Variants in NEURL4 observed in about 807,000 individuals in gnomAD.
NEURL4 encodes the protein neuralized-like protein 4.
In NEURL4, 45 loss-of-function variants were observed where a neutral mutation model predicts 148.0. That is an observed-to-expected ratio of 0.30 (90% CI 0.24 to 0.39). NEURL4 has a LOEUF of 0.39. NEURL4 is among the 10% of genes least tolerant of loss of function. The pLI, the probability that NEURL4 is intolerant of heterozygous loss-of-function variation, is 1.00. For missense variants in NEURL4, 1,776 were observed against 2,144.0 expected (o/e 0.83, Z 3.39); for synonymous variants, 854 against 869.0 (o/e 0.98, Z 0.30).
chr17:7,318,209 G>A lies in NEURL4; in HGVS notation c.3953-37C>T. 6.2e-7 allele frequency: 1 copy of A among 1,612,016 alleles called. No individual in the cohort carries two copies. Among genetic ancestry groups the A allele is most frequent in the South Asian group, 1.1e-5 (1 of 91,044 alleles). ...GAGGGGCACAGGTCACAGGAGCTGGGCTAGAAGGGTGAGGGTGGGGGAGTA... is the reference window on the plus strand; with the variant it reads ...GAGGGGCACAGGTCACAGGAGCTGGACTAGAAGGGTGAGGGTGGGGGAGTA... On this transcript the variant is annotated intron_variant, in intron 24 of 28. Transcript: ENST00000399464. The surrounding 1 kb of genome is among the most constrained non-coding windows in gnomAD (Gnocchi z 4.3).
rs376345187 is a variant in NEURL4, at chr17:7,325,300, C to T, written c.1540G>A (p.Ala514Thr). The change falls in exon 8 of 29, where the codon GCC (alanine) becomes ACC (threonine). Residue 514 changes from alanine (A) to threonine (T), a missense_variant. Ala to Thr is a moderately conservative substitution (Grantham distance 58). Transcript: ENST00000399464. ...AGCAGGCGCTCAGGTTCTGCCTGGG[C>T]GGCAGGGGCAGCACGGCGGAGAGCA... ...EGALRRAAPA[A>T]QAEPERLLFH... 71 of 1,609,888 alleles carry T rather than the reference C, an allele frequency of 4.4e-5. 1 individual carries two copies. Among genetic ancestry groups the T allele is most frequent in the African/African-American group, 2.4e-4 (18 of 74,628 alleles).
At position 7,325,432 on chromosome 17, in the gene NEURL4, C is replaced by T; in HGVS notation, c.1408G>A (p.Val470Met). The T allele has an allele frequency of 6.2e-7, 1 of 1,612,788 alleles. No individual in the cohort carries two copies. The change falls in exon 8 of 29, where the codon GTG becomes ATG. Residue 470 changes from valine (V) to methionine (M), a missense_variant. By Grantham distance (21) the Val-to-Met change is conservative. Transcript: ENST00000399464. ...TTCACTGCCATCCCGTACAAGTCCA[C>T]CACACCATACACCACTGGGGGCGTC... is the stretch of plus-strand genomic sequence containing the variant. ...PLTPPVVYGV[V>M]DLYGMAVKVT... is the part of the protein sequence containing the mutation.
chr17:7,319,374 C>T (rs1356850047), intron 21 of NEURL4, among the ~76,000 whole-genome samples, 166 bp from the exon 22 acceptor site: 17 of 113,920 alleles, frequency 1.5e-4, no homozygotes, highest in South Asian at 7.6e-4. Context: ...TTCTTTCCCT[C>T]TTTTTTTTTT....
Position 7,317,555 on chromosome 17 carries a change from C to G in NEURL4, c.4224G>C (p.Glu1408Asp). 6.2e-7 allele frequency: 1 copy of G among 1,614,198 alleles called. No individual in the cohort carries two copies. Among genetic ancestry groups the G allele is most frequent in the Non-Finnish European group, 8.5e-7 (1 of 1,180,014 alleles). The change falls in exon 27 of 29, where the codon GAG becomes GAC. Residue 1408 changes from glutamate to aspartate, a missense_variant. By Grantham distance (45) the Glu-to-Asp change is conservative (BLOSUM62 2). Transcript: ENST00000399464. Reference protein sequence around the residue: ...RFNLRVNPRLEAGTLTKKWHM... With the variant: ...RFNLRVNPRLDAGTLTKKWHM... ...GCCACTTCTTGGTTAGTGTCCCAGC[C>G]TCCAGGCGGGGATTCACTCTAGGAG...
Position 7,323,940 on chromosome 17 carries a change from G to A in NEURL4, c.2135C>T (p.Ala712Val), listed in dbSNP as rs201547279. The A allele has an allele frequency of 5.6e-6, 9 of 1,613,330 alleles. No homozygotes were observed. The East Asian group carries it at 1.6e-4, about 28-fold the overall frequency. ...QVSPSSPSSG[A>V]GGSDLRFHQL... ...ATGGAAGCGCAGGTCAGAGCCCCCGGCCCCTGAGGACGGAGAGCTTGGAGA... is the reference window on the plus strand; with the variant it reads ...ATGGAAGCGCAGGTCAGAGCCCCCGACCCCTGAGGACGGAGAGCTTGGAGA... Residue 712 changes from alanine (A) to valine (V), a missense_variant, in exon 12 of 29, where the codon GCC (alanine) becomes GTC (valine). Physicochemically the swap from Ala to Val is moderately conservative, Grantham distance 64. Transcript: ENST00000399464.
At chr17:7,317,164 C>G (rs764282272) in intron 28 of NEURL4, 41 bp downstream of exon 28, 2 of 1,430,402 alleles carry the variant, frequency 1.4e-6, no homozygotes, top group South Asian at 3.2e-5. Flanking sequence ...CCTCTCCATC[C>G]GAGCCCCTGG....
In NEURL4 at chr17:7,322,129, G is replaced by T; in HGVS notation, c.2726-119C>A. The T allele has an allele frequency of 8.6e-7, 1 of 1,167,508 alleles. No individual in the cohort carries two copies. The highest frequency in any genetic ancestry group is 1.2e-6 in the Non-Finnish European group (1 of 831,390). The allele number at this position is 1,167,508 out of a possible 1,614,324, so 72.3% of individuals were successfully genotyped here. ...GATGCCAACGCCCCATCTGCCATCT[G>T]CCATTACACCTCAGGGCCTCCTGAC... is the stretch of plus-strand genomic sequence containing the variant. On this transcript the variant is annotated intron_variant, in intron 16 of 28. Transcript: ENST00000399464. The surrounding 1 kb of genome is among the most constrained non-coding windows in gnomAD (Gnocchi z 5.5).
intron 7 of NEURL4, 80 bp downstream of exon 7, chr17:7,325,561 A>G (rs1414796735): frequency 1.3e-6 from 2 of 1,587,544 alleles, no homozygotes; most frequent in African/African-American, 1.3e-5. Context: ...ACCAAAGAGA[A>G]GCAGGAGGAT....
Position 7,326,495 on chromosome 17 carries a change from G to A in NEURL4, c.1146C>T (p.Val382=), listed in dbSNP as rs984463012. The A allele has an allele frequency of 1.9e-6, 3 of 1,614,124 alleles. No individual in the cohort carries two copies. Among genetic ancestry groups the A allele is most frequent in the Non-Finnish European group, 2.5e-6 (3 of 1,180,018 alleles). Residue 382 remains valine, a synonymous_variant, in exon 5 of 29, where the codon GTC becomes GTT. Transcript: ENST00000399464. The surrounding 1 kb of genome is among the most constrained non-coding windows in gnomAD (Gnocchi z 6.0). Reference sequence around the variant, plus strand: ...CCAAACTGTTGGGGTTGTGGGTGGTGACCCCAATCTCAATGGAGCCTGACC... The same window carrying A: ...CCAAACTGTTGGGGTTGTGGGTGGTAACCCCAATCTCAATGGAGCCTGACC... ...DKWSGSIEIG[V]TTHNPNSLEY...
In NEURL4 at chr17:7,319,213, G is replaced by C. The variant is rs2072992973; in HGVS notation, c.3526-5C>G. On this transcript the variant is annotated splice_region_variant and splice_polypyrimidine_tract_variant and intron_variant, in intron 21 of 28. Transcript: ENST00000399464. Reference sequence around the variant, plus strand: ...GTTTAGGAAATCTATCCGCACCTGGGGAAGAAAGAACTACTCCATAATCAC... The same window carrying C: ...GTTTAGGAAATCTATCCGCACCTGGCGAAGAAAGAACTACTCCATAATCAC... 4.4e-6 allele frequency: 7 copies of C among 1,608,416 alleles called. No homozygotes were observed. The highest frequency in any genetic ancestry group is 5.1e-6 in the Non-Finnish European group (6 of 1,176,652).
At chr17:7,320,100 G>A (rs903723304) in intron 21 of NEURL4, among the ~76,000 whole-genome samples, 4 of 151,734 alleles carry the variant, frequency 2.6e-5, no homozygotes, top group African/African-American at 9.7e-5. Context: ...AAAGTGTTGC[G>A]ATTACAGGCA....
At position 7,327,565 on chromosome 17, in the gene NEURL4, T is replaced by C; in HGVS notation, c.602A>G (p.Gln201Arg). Residue 201 changes from glutamine to arginine, a missense_variant, in exon 2 of 29, where the codon CAG (glutamine) becomes CGG (arginine). Coordinates refer to ENST00000399464, the MANE Select transcript of NEURL4 (RefSeq NM_032442.3). The surrounding 1 kb of genome is among the most constrained non-coding windows in gnomAD (Gnocchi z 6.6). ...TGGCTCAGGGGGTAGCACGGTGATCTGGGTGCACTTGCCATAAAGGTCCAC... is the reference window on the plus strand; with the variant it reads ...TGGCTCAGGGGGTAGCACGGTGATCCGGGTGCACTTGCCATAAAGGTCCAC... ...AVVDLYGKCTQITVLPPEPGF... is the reference protein window; with the variant it reads ...AVVDLYGKCTRITVLPPEPGF... The C allele has an allele frequency of 6.2e-7, 1 of 1,611,200 alleles. No individual in the cohort carries two copies. The highest frequency in any genetic ancestry group is 2.2e-5 in the East Asian group (1 of 44,868).
rs1373347521 is a variant in NEURL4 at position 7,324,263 on chromosome 17, TC to T, written c.1906del (p.Asp636ThrfsTer20). ...CTCCCGCCGTACCACGCCCACCGTG[TC>T]CCCTGCCTTGGAAGAAGGGGGTGCT... ...GHNLDRLKAG[D>X]TVGVVRREDG... On this transcript the variant is annotated frameshift_variant, in exon 11 of 29. Coordinates refer to ENST00000399464, the MANE Select transcript of NEURL4 (RefSeq NM_032442.3). LOFTEE classifies it high-confidence loss of function. The surrounding 1 kb of genome is among the most constrained non-coding windows in gnomAD (Gnocchi z 5.9). 6.2e-7 allele frequency: 1 copy of T among 1,613,948 alleles called. No homozygotes were observed. The highest frequency in any genetic ancestry group is 1.1e-5 in the South Asian group (1 of 91,076).
At chr17:7,319,359 GTTGT>G (rs1178399285) in intron 21 of NEURL4, 151 bp from the exon 22 acceptor site, 1 of 311,436 alleles carries the variant, frequency 3.2e-6, no homozygotes, top group East Asian at 5.8e-5. Flanking sequence ...CGCTAATTTA[GTTGT>G]TTCTTTCCCT....
rs576220516 is a variant in NEURL4, at chr17:7,321,006, G to C, written c.3361-83C>G. 8 of 1,592,478 alleles carry C rather than the reference G, an allele frequency of 5.0e-6. No individual in the cohort carries two copies. The South Asian group carries it at 8.9e-5, about 18-fold the overall frequency. ...CCACTGGAGTTTGCACAGATCCTGA[G>C]TGTGAGCCTCCACCCAACGATCAGA... On this transcript the variant is annotated intron_variant, in intron 20 of 28. Transcript: ENST00000399464. This position sits in a 1 kb window ranked among gnomAD's most constrained non-coding sequence, Gnocchi z 6.3.
In NEURL4 at chr17:7,325,316, G is replaced by A. The variant is rs2073090308; in HGVS notation, c.1524C>T (p.Arg508=). The change falls in exon 8 of 29, where the codon CGC becomes CGT. Residue 508 remains arginine, a synonymous_variant. Transcript: ENST00000399464. ...CTGCCTGGGCGGCAGGGGCAGCACG[G>A]CGGAGAGCACCCTCGGGGGACAGCG... The part of the protein sequence containing the change: ...LRALSPEGAL[R]RAAPAAQAEP... 1 of 1,613,032 alleles carries A rather than the reference G, an allele frequency of 6.2e-7. No individual in the cohort carries two copies. The highest frequency in any genetic ancestry group is 8.5e-7 in the Non-Finnish European group (1 of 1,179,698).
Position 7,326,828 on chromosome 17 carries a change from C to A in NEURL4, c.975G>T (p.Gly325=). The part of the protein sequence containing the change: ...NDALLFHEKC[G]TLIKLSNNNK... ...TATTGTTGCTGAGTTTGATGAGGGT[C>A]CCGCACTTTTCATGAAAGAGCAGGG... The change falls in exon 4 of 29, where the codon GGG becomes GGT. Residue 325 remains glycine, a synonymous_variant. Transcript: ENST00000399464. This position sits in a 1 kb window ranked among gnomAD's most constrained non-coding sequence, Gnocchi z 6.0. 1 of 1,613,694 alleles carries A rather than the reference C, an allele frequency of 6.2e-7. No individual in the cohort carries two copies. Among genetic ancestry groups the A allele is most frequent in the South Asian group, 1.1e-5 (1 of 91,012 alleles).
rs2073061527 is a variant in NEURL4, at chr17:7,323,693, A to G, written c.2292T>C (p.Ile764=). Residue 764 remains isoleucine (I), a synonymous_variant, in exon 13 of 29, where the codon ATT becomes ATC. Coordinates refer to ENST00000399464, the MANE Select transcript of NEURL4 (RefSeq NM_032442.3). Reference sequence around the variant, plus strand: ...AGCGGTCCACCATCTTCTGAATGACAATTTCAAACAGCTCTCCATCCCGCA... The same window carrying G: ...AGCGGTCCACCATCTTCTGAATGACGATTTCAAACAGCTCTCCATCCCGCA... ...RALRDGELFE[I]VIQKMVDRWS... is the part of the protein sequence containing the mutation. 1.1e-5 allele frequency: 17 copies of G among 1,613,878 alleles called. No homozygotes were observed. The highest frequency in any genetic ancestry group is 1.4e-5 in the Non-Finnish European group (17 of 1,179,900).
At chr17:7,319,435 C>T (rs1188944985) in intron 21 of NEURL4, among the ~76,000 whole-genome samples, 1 of 144,706 alleles carries the variant, frequency 6.9e-6, no homozygotes, top group Non-Finnish European at 1.5e-5. Flanking sequence ...GGCATGGTGA[C>T]CCACACTGTA....
Sources: allele counts gnomAD v4.1 joint callset (sites outside exome capture counted in the v4.1 genomes callset), GRCh38; gene constraint gnomAD v4.1.1; non-coding constraint Gnocchi (gnomAD v3.1); transcripts MANE v1.5; gene names NCBI Gene and HGNC (gene_info 2026-07-23, HGNC 2026-07-21).